MIB2: variants seen among roughly 807,000 people sequenced by gnomAD.
MIB2 encodes MIB E3 ubiquitin protein ligase 2.
Under a neutral mutation model 96.6 loss-of-function variants are expected in MIB2, and 78 were observed. The observed-to-expected ratio is 0.81, with a 90% CI of 0.67 to 0.97. The LOEUF (loss-of-function observed/expected upper bound fraction) is 0.97, where lower values mean the gene tolerates loss of function less well. Among genes scored for constraint, MIB2 ranks in the 50% least tolerant of loss-of-function variants. MIB2 has a pLI of 0.00. For missense variants in MIB2, 1,543 were observed against 1,424.0 expected (o/e 1.08, Z -1.35); for synonymous variants, 820 against 629.5 (o/e 1.30, Z -4.53).
intron 2 of MIB2, among the ~76,000 whole-genome samples, chr1:1,619,710 C>T (rs1436204279): frequency 1.3e-5 from 2 of 152,204 alleles, no homozygotes; most frequent in African/African-American, 4.8e-5. Context: ...CCCAGCTCCC[C>T]TGTCCAGGCT....
intron 13 of MIB2, 87 bp downstream of exon 13, chr1:1,627,916 C>T: frequency 5.0e-6 from 8 of 1,600,024 alleles, no homozygotes; most frequent in South Asian, 4.4e-5. Flanking sequence ...GTGCTGCTCC[C>T]TGGCCTGGGT....
At position 1,626,287 on chromosome 1, in the gene MIB2, G is replaced by A; in HGVS notation, c.973-363G>A. The A allele has an allele frequency of 6.0e-6, 2 of 330,788 alleles. No individual in the cohort carries two copies. Among genetic ancestry groups the A allele is most frequent in the Non-Finnish European group, 1.1e-5 (2 of 179,320 alleles). The allele number at this position is 330,788 out of a possible 1,614,324, so 20.5% of individuals were successfully genotyped here. On this transcript the variant is annotated intron_variant, in intron 8 of 19. Transcript: ENST00000355826. This position sits in a 1 kb window ranked among gnomAD's most constrained non-coding sequence, Gnocchi z 5.3. ...AGGTGGGGCAGAGTGGGCCCGTCCTGCACCCCATGGTCCTGGGGCCCCACC... is the reference window on the plus strand; with the variant it reads ...AGGTGGGGCAGAGTGGGCCCGTCCTACACCCCATGGTCCTGGGGCCCCACC...
chr1:1,629,466 G>C lies in MIB2; in HGVS notation c.2463G>C (p.Val821=), dbSNP rs772176931. Residue 821 remains valine, a synonymous_variant, in exon 18 of 20, where the codon GTG becomes GTC. Transcript: ENST00000355826. ...GTPNTVTNLH[V]GAAPGPEAAE... is the part of the protein sequence containing the mutation. ...CCAACACCGTGACGAACCTGCACGT[G>C]GGCGCCGCGCCGGGGCCCGAGGCCG... 188 of 1,531,882 alleles carry C rather than the reference G, an allele frequency of 1.2e-4. No individual in the cohort carries two copies. In the East Asian group the frequency reaches 4.6e-3, roughly 38 times the overall value. 94.9% of individuals were successfully genotyped at this position (1,531,882 alleles called of 1,614,324 possible). A position where few individuals can be genotyped will look rare whatever the true frequency, so the allele number is the denominator to read the frequency against.
In MIB2 at chr1:1,625,860, A is replaced by T; in HGVS notation, c.972+207A>T. 1.7e-6 allele frequency: 1 copy of T among 588,682 alleles called. No homozygotes were observed. The highest frequency in any genetic ancestry group is 2.0e-5 in the South Asian group (1 of 49,518). 36.5% of individuals were successfully genotyped at this position (588,682 alleles called of 1,614,324 possible). A position where few individuals can be genotyped will look rare whatever the true frequency, so the allele number is the denominator to read the frequency against. ...GGTGTGAAGGAACCCAGAGGAGGGT[A>T]TGTCTCTGGGAGCTGGAATGGGCAG... On this transcript the variant is annotated intron_variant, in intron 8 of 19. Transcript: ENST00000355826. This position sits in a 1 kb window ranked among gnomAD's most constrained non-coding sequence, Gnocchi z 5.0.
At position 1,628,570 on chromosome 1, in the gene MIB2, G is replaced by C. The variant is rs1011427344; in HGVS notation, c.2050G>C (p.Val684Leu). ...LAVQQAHVGL[V>L]PLLVDAGCSV... Reference sequence around the variant, plus strand: ...CGTGCAACAGGCCCACGTGGGGCTGGTGCCGCTACTGGTGGACGCTGGGTG... The same window carrying C: ...CGTGCAACAGGCCCACGTGGGGCTGCTGCCGCTACTGGTGGACGCTGGGTG... Residue 684 changes from valine (V) to leucine (L), a missense_variant, in exon 16 of 20, where the codon GTG (valine) becomes CTG (leucine). Coordinates refer to ENST00000355826, the MANE Select transcript of MIB2 (RefSeq NM_001170687.4). 13 of 1,601,238 alleles carry C rather than the reference G, an allele frequency of 8.1e-6. No individual in the cohort carries two copies. In the Admixed American group the frequency reaches 1.7e-4, roughly 21 times the overall value.
Position 1,615,515 on chromosome 1 carries a change from C to T in MIB2, c.-248C>T, listed in dbSNP as rs576473327. 1.3e-6 allele frequency: 2 copies of T among 1,530,550 alleles called. No homozygotes were observed. The highest frequency in any genetic ancestry group is 1.4e-5 in the African/African-American group (1 of 71,922). 94.8% of individuals were successfully genotyped at this position (1,530,550 alleles called of 1,614,324 possible). On this transcript the variant is annotated 5_prime_UTR_variant, in exon 1 of 20. Coordinates refer to ENST00000355826, the MANE Select transcript of MIB2 (RefSeq NM_001170687.4). ...CTGGGCTCCCGCCCTTCGGGTCCCA[C>T]AGTTTCCAGCCGCCGCTCTCCTCAG...
chr1:1,618,490 AGTCCTCACCTGAG>A (rs1307806254), intron 2 of MIB2: 3 of 152,888 alleles, frequency 2.0e-5, no homozygotes. Context: ...GCCTCCAGGA[AGTCCTCACCTGAG>A]GTCTGCAGCG....
At chr1:1,629,815 TACACCCCGCCCTCCCAAGGCTC>T in intron 19 of MIB2, 111 bp downstream of exon 19, 4 of 1,182,360 alleles carry the variant, frequency 3.4e-6, no homozygotes, top group Non-Finnish European at 3.4e-6. Flanking sequence ...TTCCCCAGGT[TACACCCCGCCCTCCCAAGGCTC>T]ACACCCGGCC....
intron 4 of MIB2, 78 bp downstream of exon 4, chr1:1,624,023 T>A (rs1400486574): frequency 2.1e-5 from 31 of 1,463,178 alleles, no homozygotes; most frequent in Non-Finnish European, 2.8e-5. Context: ...TCGGGGAGGG[T>A]GCTGCCTCCT....
chr1:1,629,438 C>T lies in MIB2; in HGVS notation c.2435C>T (p.Thr812Ile), dbSNP rs577113801. The change falls in exon 18 of 20, where the codon ACC becomes ATC. Residue 812 changes from threonine (T) to isoleucine (I), a missense_variant. Coordinates refer to ENST00000355826, the MANE Select transcript of MIB2 (RefSeq NM_001170687.4). ...CCGGGCCCCAGGCAAACGCTCGGGA[C>T]CCCCAACACCGTGACGAACCTGCAC... ...AAPGPRQTLG[T>I]PNTVTNLHVG... 71 of 1,526,148 alleles carry T rather than the reference C, an allele frequency of 4.7e-5. No individual in the cohort carries two copies. Among genetic ancestry groups the T allele is most frequent in the East Asian group, 2.8e-4 (11 of 39,752 alleles). The allele number at this position is 1,526,148 out of a possible 1,614,324, so 94.5% of individuals were successfully genotyped here.
chr1:1,626,630 C>A lies in MIB2; in HGVS notation c.973-20C>A, dbSNP rs763720497. ...CCACACACAGCTGGGGGGCCCCTCA[C>A]GCCCCTCTTTGTCGCTCAGCACCAC... On this transcript the variant is annotated intron_variant, in intron 8 of 19. Coordinates refer to ENST00000355826, the MANE Select transcript of MIB2 (RefSeq NM_001170687.4). This position sits in a 1 kb window ranked among gnomAD's most constrained non-coding sequence, Gnocchi z 5.3. 5.9e-6 allele frequency: 9 copies of A among 1,527,612 alleles called. No individual in the cohort carries two copies. Among genetic ancestry groups the A allele is most frequent in the Non-Finnish European group, 7.9e-6 (9 of 1,138,544 alleles). 94.6% of individuals were successfully genotyped at this position (1,527,612 alleles called of 1,614,324 possible).
intron 2 of MIB2, chr1:1,617,478 A>C (rs1314984516): frequency 1.3e-5 from 2 of 152,252 alleles, no homozygotes; most frequent in Non-Finnish European, 2.9e-5. Context: ...CTAAGCAGCA[A>C]TAGAACAGAC....
In MIB2 at chr1:1,615,536, C is replaced by G. The variant is rs1030859908; in HGVS notation, c.-227C>G. On this transcript the variant is annotated 5_prime_UTR_variant, in exon 1 of 20. Coordinates refer to ENST00000355826, the MANE Select transcript of MIB2 (RefSeq NM_001170687.4). ...CCCACAGTTTCCAGCCGCCGCTCTC[C>G]TCAGTGCCCGGTGGCCCAGGAGGGC... 18 of 1,534,236 alleles carry G rather than the reference C, an allele frequency of 1.2e-5. No homozygotes were observed. In the African/African-American group the frequency reaches 2.4e-4, roughly 20 times the overall value.
chr1:1,621,089 T>C (rs757471834), intron 2 of MIB2, among the ~76,000 whole-genome samples: 1 of 152,234 alleles, frequency 6.6e-6, no homozygotes, highest in African/African-American at 2.4e-5. Context: ...CTGGTTCTTA[T>C]GTTTCATTCA....
chr1:1,628,261 C>A lies in MIB2; in HGVS notation c.1842-12C>A, dbSNP rs754291472. On this transcript the variant is annotated splice_polypyrimidine_tract_variant and intron_variant, in intron 14 of 19. Transcript: ENST00000355826. ...CAGTCCCAGGTCCCAGACCAACCTC[C>A]CTGCTCCACAGAGCTGTGAGAAAGA... is the stretch of plus-strand genomic sequence containing the variant. 68 of 1,612,876 alleles carry A rather than the reference C, an allele frequency of 4.2e-5. No individual in the cohort carries two copies. The highest frequency in any genetic ancestry group is 1.0e-4 in the Admixed American group (6 of 59,994).
At chr1:1,616,382 C>A in intron 1 of MIB2, 126 bp from the exon 2 acceptor site, 1 of 699,626 alleles carries the variant, frequency 1.4e-6, no homozygotes, top group Non-Finnish European at 2.2e-6. Flanking sequence ...CAGGCGGCGG[C>A]CCTGAGTGTC....
chr1:1,616,372 C>T, intron 1 of MIB2, 136 bp from the exon 2 acceptor site: 1 of 649,794 alleles, frequency 1.5e-6, no homozygotes, highest in South Asian at 2.3e-5. Context: ...CCCATCCGGG[C>T]AGGCGGCGGC....
At chr1:1,615,243 G>A, upstream of MIB2, 1 of 937,884 alleles carries the variant, frequency 1.1e-6, no homozygotes, top group Non-Finnish European at 1.5e-6. Flanking sequence ...GGTGGCTGCG[G>A]CGCGGCAAGT....
At position 1,626,534 on chromosome 1, in the gene MIB2, CG is replaced by C; in HGVS notation, c.973-112del. 1.1e-6 allele frequency: 1 copy of C among 896,074 alleles called. No individual in the cohort carries two copies. The allele number at this position is 896,074 out of a possible 1,614,324, so 55.5% of individuals were successfully genotyped here. On this transcript the variant is annotated intron_variant, in intron 8 of 19. Coordinates refer to ENST00000355826, the MANE Select transcript of MIB2 (RefSeq NM_001170687.4). The surrounding 1 kb of genome is among the most constrained non-coding windows in gnomAD (Gnocchi z 5.3). ...CAGTGCCTGGGGTCGGGGTCGGGGC[CG>C]GGGCCGAGTCAGGCCTGCCTGTCTC...
Sources: gnomAD v4.1 joint callset for allele counts (sites outside exome capture counted in the v4.1 genomes callset) on GRCh38, gnomAD v4.1.1 for gene constraint, Gnocchi (gnomAD v3.1) non-coding constraint, MANE v1.5 for transcripts, NCBI Gene and HGNC (gene_info 2026-07-23, HGNC 2026-07-21) for gene names.